The following SLC16A12 variants were observed in gnomAD, a reference collection of about 807,000 sequenced individuals.
SLC16A12 encodes the protein solute carrier family 16 member 12, also known as monocarboxylate transporter 12.
A neutral mutation model predicts 42.4 loss-of-function variants in SLC16A12; 17 were observed. That is an observed-to-expected ratio of 0.40 (90% CI 0.27 to 0.60). The LOEUF (loss-of-function observed/expected upper bound fraction) is 0.60, where lower values mean the gene tolerates loss of function less well. Ranked by LOEUF, SLC16A12 falls within the 20% of genes least tolerant of loss-of-function variation. The pLI is 0.42. For synonymous variants in SLC16A12, 224 were observed against 229.4 expected (o/e 0.98, Z 0.21); for missense variants, 544 against 623.0 (o/e 0.87, Z 1.35).
At chr10:89,521,686 G>A (rs1843360425) in intron 2 of SLC16A12, among the ~76,000 whole-genome samples, 1 of 152,130 alleles carries the variant, frequency 6.6e-6, no homozygotes, top group Non-Finnish European at 1.5e-5. Context: ...ACATTACAAG[G>A]AAAAATGAAA....
At chr10:89,553,647 A>C (rs987404442) in intron 2 of SLC16A12, among the ~76,000 whole-genome samples, 3 of 152,164 alleles carry the variant, frequency 2.0e-5, no homozygotes, top group Admixed American at 6.5e-5. Context: ...TAGGGAGTGA[A>C]CTGCTCAACA....
In SLC16A12 at chr10:89,521,500, T is replaced by C. The variant is rs539080092; in HGVS notation, c.-47+13001A>G. On this transcript the variant is annotated intron_variant, in intron 2 of 7. Coordinates refer to ENST00000371790, the MANE Select transcript of SLC16A12 (RefSeq NM_213606.4). The stretch of plus-strand genomic sequence containing the variant: ...ACAGCTGTACAAAGGAAACACATAT[T>C]GCTGGTTTCCCATCACATGGCTAAA... 1.9e-3 allele frequency among the ~76,000 whole-genome samples: 289 copies of C among 152,330 alleles called. 1 individual carries two copies. Among genetic ancestry groups the C allele is most frequent in the African/African-American group, 6.6e-3 (274 of 41,578 alleles).
At chr10:89,450,719 C>T (rs554775532) in intron 3 of SLC16A12, among the ~76,000 whole-genome samples, 71 of 152,020 alleles carry the variant, frequency 4.7e-4, no homozygotes, top group Non-Finnish European at 9.3e-4. Flanking sequence ...AACAAACCTG[C>T]ATGTTGTGCA....
intron 2 of SLC16A12, among the ~76,000 whole-genome samples, chr10:89,466,405 A>G (rs1274458411): frequency 6.6e-6 from 1 of 152,162 alleles, no homozygotes; most frequent in Non-Finnish European, 1.5e-5. Flanking sequence ...GGCACAGTTC[A>G]TGAACTGTTG....
At chr10:89,495,681 C>A (rs1842913280) in intron 2 of SLC16A12, among the ~76,000 whole-genome samples, 1 of 152,252 alleles carries the variant, frequency 6.6e-6, no homozygotes, top group African/African-American at 2.4e-5. Flanking sequence ...TTAACACAGA[C>A]CCTATTTTAT....
At chr10:89,480,793 A>C (rs1204667295) in intron 2 of SLC16A12, among the ~76,000 whole-genome samples, 1 of 152,216 alleles carries the variant, frequency 6.6e-6, no homozygotes, top group Non-Finnish European at 1.5e-5. Context: ...CAAAAGAGTT[A>C]AATGGAGTGA....
At chr10:89,495,055 A>C (rs934614211) in intron 2 of SLC16A12, among the ~76,000 whole-genome samples, 34 of 152,252 alleles carry the variant, frequency 2.2e-4, no homozygotes, top group African/African-American at 7.9e-4. Flanking sequence ...TACTCTAAAA[A>C]CACTAGGAAC....
intron 2 of SLC16A12, among the ~76,000 whole-genome samples, chr10:89,500,785 T>C (rs1205295716): frequency 1.3e-5 from 2 of 152,206 alleles, no homozygotes; most frequent in East Asian, 3.8e-4. Flanking sequence ...CTGGAAGTCC[T>C]AGCCAGAGAA....
intron 2 of SLC16A12, among the ~76,000 whole-genome samples, chr10:89,518,681 G>T (rs902681426): frequency 6.6e-6 from 1 of 152,120 alleles, no homozygotes; most frequent in African/African-American, 2.4e-5. Flanking sequence ...CCATTGACTT[G>T]CTGTGTGACC....
In SLC16A12 at chr10:89,495,532, T is replaced by C. The variant is rs1842911405; in HGVS notation, c.-46-32908A>G. Among the ~76,000 whole-genome samples, 4 of 152,322 alleles carry C rather than the reference T, an allele frequency of 2.6e-5. No individual in the cohort carries two copies. The South Asian group carries it at 8.3e-4, about 32-fold the overall frequency. ...CTTGACTTATGATGGGGTTAAATCT[T>C]GATACATCCATCAAAAACTGAAAAT... is the stretch of plus-strand genomic sequence containing the variant. On this transcript the variant is annotated intron_variant, in intron 2 of 7. Coordinates refer to ENST00000371790, the MANE Select transcript of SLC16A12 (RefSeq NM_213606.4).
At chr10:89,547,038 T>C (rs1395721439) in intron 2 of SLC16A12, among the ~76,000 whole-genome samples, 1 of 151,340 alleles carries the variant, frequency 6.6e-6, no homozygotes, top group Non-Finnish European at 1.5e-5. Context: ...TGTTGGGGGG[T>C]TGGGAGGTGA....
chr10:89,522,578 T>G (rs1046832964), intron 2 of SLC16A12, among the ~76,000 whole-genome samples: 1 of 152,236 alleles, frequency 6.6e-6, no homozygotes, highest in Admixed American at 6.5e-5. Context: ...AGAAACTAAG[T>G]GCTTGGTGTG....
chr10:89,438,196 A>G (rs1195913113), intron 6 of SLC16A12, among the ~76,000 whole-genome samples: 1 of 152,042 alleles, frequency 6.6e-6, no homozygotes, highest in African/African-American at 2.4e-5. Flanking sequence ...GTGAATTAAG[A>G]ACGGTTTTTC....
chr10:89,555,867 T>C (rs1843812021), intron 2 of SLC16A12: 1 of 151,296 alleles, frequency 6.6e-6, no homozygotes, highest in South Asian at 2.1e-4. Context: ...TGTTTACTAT[T>C]GGAACTTACA....
intron 3 of SLC16A12, among the ~76,000 whole-genome samples, chr10:89,459,540 G>GTGTGTGTA (rs1842259667): frequency 6.7e-6 from 1 of 150,086 alleles, no homozygotes; most frequent in Middle Eastern, 3.2e-3. Flanking sequence ...GTGTGTGTAT[G>GTGTGTGTA]TGTGTGTGTG....
At chr10:89,530,518 T>G (rs539839474) in intron 2 of SLC16A12, among the ~76,000 whole-genome samples, 7 of 151,756 alleles carry the variant, frequency 4.6e-5, no homozygotes, top group African/African-American at 1.7e-4. Flanking sequence ...CCTGGGTTCA[T>G]GCCATTCTCC....
intron 2 of SLC16A12, among the ~76,000 whole-genome samples, chr10:89,471,239 C>T (rs11203141): frequency 0.033 from 5,038 of 152,178 alleles, 264 homozygotes; most frequent in African/African-American, 0.11. Flanking sequence ...CCAGACATTC[C>T]CTCATGCTCC....
intron 2 of SLC16A12, among the ~76,000 whole-genome samples, chr10:89,473,034 G>T (rs2133771865): frequency 6.6e-6 from 1 of 151,586 alleles, no homozygotes; most frequent in Admixed American, 6.6e-5. Context: ...TCTCAGGCTG[G>T]TCTCAAACTT....
At chr10:89,472,487 C>CTTTTTTTTTTTTTTTTTTTTTTTTTTGTT (rs71022567) in intron 2 of SLC16A12, among the ~76,000 whole-genome samples, 1 of 89,896 alleles carries the variant, frequency 1.1e-5, no homozygotes, top group African/African-American at 4.1e-5. Flanking sequence ...TCTTTTCTTT[C>CTTTTTTTTTTTTTTTTTTTTTTTTTTGTT]TTTTTTTTTT....
Sources: gnomAD v4.1 joint callset for allele counts (sites outside exome capture counted in the v4.1 genomes callset) on GRCh38, gnomAD v4.1.1 for gene constraint, MANE v1.5 for transcripts, NCBI Gene and HGNC (gene_info 2026-07-23, HGNC 2026-07-21) for gene names.